Variants in LPIN1 observed in about 807,000 individuals in gnomAD.
LPIN1 encodes the protein lipin 1.
LPIN1 carries 71 observed loss-of-function variants against 107.5 expected under a neutral mutation model. That is an observed-to-expected ratio of 0.66 (90% CI 0.55 to 0.80). The LOEUF is 0.80. LPIN1 is among the 30% of genes least tolerant of loss of function. LPIN1 has a pLI of 0.00. For missense variants in LPIN1, 1,043 were observed against 1,160.6 expected (o/e 0.90, Z 1.47); for synonymous variants, 445 against 452.6 (o/e 0.98, Z 0.21).
rs145540714 is a variant in LPIN1 at position 11,754,316 on chromosome 2, C to T, written c.-10+7645C>T. Among the ~76,000 whole-genome samples, 834 of 152,234 alleles carry T rather than the reference C, an allele frequency of 5.5e-3. 2 individuals carry two copies. Among genetic ancestry groups the T allele is most frequent in the Non-Finnish European group, 6.6e-3 (446 of 68,014 alleles). On this transcript the variant is annotated intron_variant, in intron 1 of 20. Transcript: ENST00000674199. ...CCACAGGTGCCCTTTAAGCACCTGCCGTGAGGGCAGATGTGACAGATCGTG... is the reference window on the plus strand; with the variant it reads ...CCACAGGTGCCCTTTAAGCACCTGCTGTGAGGGCAGATGTGACAGATCGTG...
Position 11,827,389 on chromosome 2 carries a change from G to A in LPIN1, c.*2598G>A, listed in dbSNP as rs1448505058. ...AGAAAATATTGCAATAAATGAGACC[G>A]ATGAAAGACTTCTCTGAAAATCAGG... On this transcript the variant is annotated 3_prime_UTR_variant, in exon 21 of 21. Coordinates refer to ENST00000674199, the MANE Select transcript of LPIN1 (RefSeq NM_001349206.2). The surrounding 1 kb of genome is among the most constrained non-coding windows in gnomAD (Gnocchi z 4.1). 2 of 152,130 alleles carry A rather than the reference G, an allele frequency of 1.3e-5. No individual in the cohort carries two copies. The highest frequency in any genetic ancestry group is 2.4e-5 in the African/African-American group (1 of 41,432). The allele number at this position is 152,130 out of a possible 1,614,324, so 9.4% of individuals were successfully genotyped here. A position where few individuals can be genotyped will look rare whatever the true frequency, so the allele number is the denominator to read the frequency against.
intron 10 of LPIN1, among the ~76,000 whole-genome samples, chr2:11,785,691 G>A (rs535019981): frequency 1.1e-3 from 167 of 152,178 alleles, no homozygotes; most frequent in Non-Finnish European, 2.1e-3. Flanking sequence ...TCCCCTCGTG[G>A]TATTTCTAGC....
intron 1 of LPIN1, among the ~76,000 whole-genome samples, chr2:11,764,930 G>C (rs754146343): frequency 1.3e-5 from 2 of 152,210 alleles, no homozygotes; most frequent in Non-Finnish European, 2.9e-5. Context: ...GGGGACAACT[G>C]AGATTAGACA....
intron 18 of LPIN1, 31 bp from the exon 19 acceptor site, chr2:11,819,453 C>A: frequency 1.5e-6 from 2 of 1,349,668 alleles, no homozygotes; most frequent in South Asian, 1.2e-5. Flanking sequence ...CTTAGCCTCT[C>A]ATGTTAATCT....
At chr2:11,686,408 C>T (rs1662003891) in intron 1 of LPIN1, among the ~76,000 whole-genome samples, 1 of 152,148 alleles carries the variant, frequency 6.6e-6, no homozygotes, top group Admixed American at 6.5e-5. Flanking sequence ...TAGTTAGCCC[C>T]CAGGGTGAAA....
At chr2:11,702,766 G>A (rs1223445765) in intron 1 of LPIN1, among the ~76,000 whole-genome samples, 1 of 152,078 alleles carries the variant, frequency 6.6e-6, no homozygotes, top group Non-Finnish European at 1.5e-5. Context: ...CTGCTTCTCT[G>A]TCTCTCTCTG....
intron 1 of LPIN1, among the ~76,000 whole-genome samples, chr2:11,710,507 A>G (rs1290869809): frequency 6.6e-6 from 1 of 152,034 alleles, no homozygotes; most frequent in African/African-American, 2.4e-5. Flanking sequence ...GGTAGAAGCA[A>G]ACCAGCTGCT....
intron 1 of LPIN1, among the ~76,000 whole-genome samples, chr2:11,700,544 CTTTAG>C (rs1662818903): frequency 6.6e-6 from 1 of 152,054 alleles, no homozygotes; most frequent in Admixed American, 6.5e-5. Context: ...CCCCTATGGG[CTTTAG>C]TGCCAGCCCC....
intron 9 of LPIN1, chr2:11,784,623 A>C: frequency 1.8e-6 from 1 of 548,666 alleles, no homozygotes; most frequent in Non-Finnish European, 3.3e-6. Context: ...GGCAGGGAAC[A>C]GGGAGGACAG....
At chr2:11,772,359 T>C (rs1671990751) in intron 4 of LPIN1, among the ~76,000 whole-genome samples, 1 of 152,248 alleles carries the variant, frequency 6.6e-6, no homozygotes, top group Non-Finnish European at 1.5e-5. Context: ...TTTGCTGTGC[T>C]GTAGCCAAGA....
intron 1 of LPIN1, among the ~76,000 whole-genome samples, chr2:11,759,198 C>G (rs1669224945): frequency 7.2e-6 from 1 of 139,658 alleles, no homozygotes; most frequent in African/African-American, 2.7e-5. Context: ...TCTTTTCTTT[C>G]TTTCTTTCTC....
intron 13 of LPIN1, chr2:11,792,279 T>C (rs1352435802): frequency 2.9e-6 from 1 of 349,960 alleles, no homozygotes; most frequent in Non-Finnish European, 5.4e-6. Flanking sequence ...GATTTCGTCA[T>C]CTATAAAAGA....
chr2:11,721,924 C>A (rs893561736), upstream of LPIN1: 33 of 152,360 alleles, frequency 2.2e-4, no homozygotes, highest in African/African-American at 7.7e-4. Context: ...CCAGACTTGC[C>A]CATCTCTGCA....
intron 1 of LPIN1, among the ~76,000 whole-genome samples, chr2:11,753,418 G>A (rs1668169150): frequency 6.6e-6 from 1 of 152,224 alleles, no homozygotes; most frequent in African/African-American, 2.4e-5. Context: ...CAATTTCCCA[G>A]CAGGTAGTGA....
At position 11,755,127 on chromosome 2, in the gene LPIN1, G is replaced by A. The variant is rs1314498611; in HGVS notation, c.-10+8456G>A. Among the ~76,000 whole-genome samples, 7 of 151,958 alleles carry A rather than the reference G, an allele frequency of 4.6e-5. No homozygotes were observed. In the East Asian group the frequency reaches 5.8e-4, roughly 13 times the overall value. On this transcript the variant is annotated intron_variant, in intron 1 of 20. Coordinates refer to ENST00000674199, the MANE Select transcript of LPIN1 (RefSeq NM_001349206.2). ...ACTACAGGCGCCCGCCACCATGCCC[G>A]GCTAATCTTTTTTGTATTTTTAGCA... is the stretch of plus-strand genomic sequence containing the variant.
chr2:11,786,944 G>A lies in LPIN1; in HGVS notation c.1550-130G>A. The A allele has an allele frequency of 1.4e-6, 1 of 724,924 alleles. No homozygotes were observed. Among genetic ancestry groups the A allele is most frequent in the South Asian group, 1.5e-5 (1 of 67,964 alleles). The allele number at this position is 724,924 out of a possible 1,614,324, so 44.9% of individuals were successfully genotyped here. ...GCGGCCTTTACAAATACATTTTATA[G>A]GATTGTCTGCACAGTTGGAATGCAC... On this transcript the variant is annotated intron_variant, in intron 10 of 20. Transcript: ENST00000674199. The surrounding 1 kb of genome is among the most constrained non-coding windows in gnomAD (Gnocchi z 4.1).
At chr2:11,754,920 T>G (rs1338043721) in intron 1 of LPIN1, among the ~76,000 whole-genome samples, 1 of 152,228 alleles carries the variant, frequency 6.6e-6, no homozygotes, top group Non-Finnish European at 1.5e-5. Context: ...AGCATTGTCT[T>G]GTGAAATTTA....
At chr2:11,687,284 T>C (rs1371249366) in intron 1 of LPIN1, among the ~76,000 whole-genome samples, 1 of 152,240 alleles carries the variant, frequency 6.6e-6, no homozygotes, top group Non-Finnish European at 1.5e-5. Flanking sequence ...GATCCTGATC[T>C]GTTTTTAAAC....
At chr2:11,746,844 G>A (rs1453320033) in intron 1 of LPIN1, among the ~76,000 whole-genome samples, 173 bp downstream of exon 1, 1 of 152,092 alleles carries the variant, frequency 6.6e-6, no homozygotes, top group African/African-American at 2.4e-5. Flanking sequence ...TACGGGAAGT[G>A]GTTCGGGGGA....
Sources: gnomAD v4.1 joint callset for allele counts (sites outside exome capture counted in the v4.1 genomes callset) on GRCh38, gnomAD v4.1.1 for gene constraint, Gnocchi (gnomAD v3.1) non-coding constraint, MANE v1.5 for transcripts, NCBI Gene and HGNC (gene_info 2026-07-23, HGNC 2026-07-21) for gene names.